Variants in RANBP10 observed in about 807,000 individuals in gnomAD.
RANBP10 encodes the protein ran-binding protein 10.
In RANBP10, 24 loss-of-function variants were observed where a neutral mutation model predicts 72.8. The ratio of observed to expected loss-of-function variants is 0.33; its 90% CI spans 0.24 to 0.46. The LOEUF is 0.46. Among genes scored for constraint, RANBP10 ranks in the 20% least tolerant of loss-of-function variants. The pLI is 1.00. For synonymous variants in RANBP10, 310 were observed against 322.3 expected, an observed-to-expected ratio of 0.96 and a Z score of 0.41; for missense variants, 679 against 817.5, an observed-to-expected ratio of 0.83 and a Z score of 2.07.
At chr16:67,747,543 G>A (rs987630766) in intron 3 of RANBP10, among the ~76,000 whole-genome samples, 1 of 152,122 alleles carries the variant, frequency 6.6e-6, no homozygotes, top group Non-Finnish European at 1.5e-5. Context: ...ACACTCTCTC[G>A]TCCAGACTGG....
chr16:67,791,916 C>T (rs896556844), intron 2 of RANBP10, among the ~76,000 whole-genome samples: 1 of 151,972 alleles, frequency 6.6e-6, no homozygotes, highest in Non-Finnish European at 1.5e-5. Context: ...TGTGCTGGCT[C>T]ACACCTGTAA....
At chr16:67,738,170 C>G in intron 4 of RANBP10, 135 bp from the exon 5 acceptor site, 1 of 993,056 alleles carries the variant, frequency 1.0e-6, no homozygotes. Flanking sequence ...ACAGAGTCTC[C>G]CTCCGTAGCC....
At chr16:67,805,563 A>C in intron 1 of RANBP10, 24 bp from the exon 2 acceptor site, 1 of 1,597,596 alleles carries the variant, frequency 6.3e-7, no homozygotes. Context: ...GCAAGTAAGA[A>C]ATTTCAGCAG....
intron 2 of RANBP10, among the ~76,000 whole-genome samples, chr16:67,781,193 G>T (rs2054803496): frequency 6.6e-6 from 1 of 152,244 alleles, no homozygotes; most frequent in African/African-American, 2.4e-5. Context: ...TCATACACTG[G>T]AGGATCTTCC....
intron 2 of RANBP10, among the ~76,000 whole-genome samples, chr16:67,785,145 G>A (rs890209247): frequency 2.6e-5 from 4 of 151,894 alleles, no homozygotes; most frequent in Non-Finnish European, 5.9e-5. Flanking sequence ...CCTGGAAGAG[G>A]AGGTTGCAGT....
intron 3 of RANBP10, among the ~76,000 whole-genome samples, chr16:67,760,099 C>CA (rs56244298): frequency 0.29 from 28,572 of 98,534 alleles, 4,276 homozygotes; most frequent in African/African-American, 0.51. Flanking sequence ...GACTCCGTCT[C>CA]AAAAAAAAAA....
At chr16:67,764,043 A>C (rs997400899) in intron 3 of RANBP10, among the ~76,000 whole-genome samples, 2 of 152,214 alleles carry the variant, frequency 1.3e-5, no homozygotes, top group Admixed American at 6.5e-5. Context: ...AGGAACAGAG[A>C]AAAGAGCAGT....
In RANBP10 at chr16:67,726,294, G is replaced by A; in HGVS notation, c.*134C>T. 1 of 1,336,726 alleles carries A rather than the reference G, an allele frequency of 7.5e-7. No individual in the cohort carries two copies. Among genetic ancestry groups the A allele is most frequent in the East Asian group, 2.5e-5 (1 of 39,996 alleles). 82.8% of individuals were successfully genotyped at this position (1,336,726 alleles called of 1,614,324 possible). ...AAGGAAGGAAGGAAGGAAAGGGAGA[G>A]GGGGAAAGGCCAGGCAGGAGGAGTG... On this transcript the variant is annotated 3_prime_UTR_variant, in exon 14 of 14. Transcript: ENST00000317506.
chr16:67,732,600 A>G (rs2143002026), intron 6 of RANBP10, among the ~76,000 whole-genome samples: 1 of 152,298 alleles, frequency 6.6e-6, no homozygotes, highest in South Asian at 2.1e-4. Flanking sequence ...ATGAAATGAT[A>G]TATTACATAA....
chr16:67,771,926 A>T, intron 3 of RANBP10, 108 bp downstream of exon 3: 1 of 1,276,874 alleles, frequency 7.8e-7, no homozygotes. Context: ...GGCTTGAGGT[A>T]GGCAGCTAGC....
rs1597856805 is a variant in RANBP10 at position 67,750,310 on chromosome 16, G to C, written c.401-5855C>G. ...CTCTTAGAACTATGCCCAAGAACTA[G>C]TGGTATCCACTCTGTCCTCCCCTCT... On this transcript the variant is annotated intron_variant, in intron 3 of 13. Transcript: ENST00000317506. Among the ~76,000 whole-genome samples, 3 of 152,324 alleles carry C rather than the reference G, an allele frequency of 2.0e-5. No individual in the cohort carries two copies. In the East Asian group the frequency reaches 5.8e-4, roughly 29 times the overall value.
At chr16:67,795,002 C>A (rs2055103352) in intron 2 of RANBP10, among the ~76,000 whole-genome samples, 1 of 149,798 alleles carries the variant, frequency 6.7e-6, no homozygotes, top group South Asian at 2.1e-4. Flanking sequence ...CACCTGTAAT[C>A]CCAGTACTCC....
Position 67,734,893 on chromosome 16 carries a change from A to G in RANBP10, c.741T>C (p.Ser247=). The G allele has an allele frequency of 6.2e-7, 1 of 1,610,218 alleles. No individual in the cohort carries two copies. Among genetic ancestry groups the G allele is most frequent in the Non-Finnish European group, 8.5e-7 (1 of 1,177,404 alleles). Residue 247 remains serine (S), a synonymous_variant, in exon 6 of 14, where the codon AGT becomes AGC. Coordinates refer to ENST00000317506, the MANE Select transcript of RANBP10 (RefSeq NM_020850.3). ...CTGCCTGCCACTCGCCAAGCCGGGC[A>G]CTGATGGGGAAGCAGTGGACCGTGC... The part of the protein sequence containing the change: ...VQGTVHCFPI[S]ARLGEWQAVL...
rs2053668634 is a variant in RANBP10, at chr16:67,729,069, G to A, written c.1352+211C>T. On this transcript the variant is annotated intron_variant, in intron 10 of 13. Transcript: ENST00000317506. This position sits in a 1 kb window ranked among gnomAD's most constrained non-coding sequence, Gnocchi z 7.1. ...GCCTGGCATCATTGGAGCCTCTGGA[G>A]AAAGCCAAGGCCAAAGAAAGTGCAG... Among the ~76,000 whole-genome samples, 1 of 152,278 alleles carries A rather than the reference G, an allele frequency of 6.6e-6. No homozygotes were observed. Among genetic ancestry groups the A allele is most frequent in the Non-Finnish European group, 1.5e-5 (1 of 68,056 alleles).
intron 2 of RANBP10, among the ~76,000 whole-genome samples, chr16:67,777,278 T>C (rs1055928932): frequency 4.6e-5 from 7 of 152,134 alleles, no homozygotes; most frequent in Non-Finnish European, 1.0e-4. Flanking sequence ...GGCTCACGCC[T>C]ATAATCCCAG....
At chr16:67,735,403 G>A (rs1345425187) in intron 5 of RANBP10, among the ~76,000 whole-genome samples, 1 of 152,152 alleles carries the variant, frequency 6.6e-6, no homozygotes, top group Non-Finnish European at 1.5e-5. Context: ...CTGCAATAGT[G>A]GGTCATGGCT....
intron 3 of RANBP10, among the ~76,000 whole-genome samples, chr16:67,747,946 G>A (rs1305176352): frequency 2.0e-5 from 3 of 149,474 alleles, no homozygotes; most frequent in Non-Finnish European, 1.5e-5. Flanking sequence ...TCAGTCTCCC[G>A]AGTAGCTGGG....
At position 67,805,501 on chromosome 16, in the gene RANBP10, C is replaced by A; in HGVS notation, c.274G>T (p.Ala92Ser). ...CAGGCAGCAGGTATGGGGTGGGTGG[C>A]ACGCACTGAGGCCGCATCTTTGTGA... ...KNHKDAASVRATHPIPAACGI... is the reference protein window; with the variant it reads ...KNHKDAASVRSTHPIPAACGI... The change falls in exon 2 of 14, where the codon GCC becomes TCC. Residue 92 changes from alanine (A) to serine (S), a missense_variant. By Grantham distance (99) the Ala-to-Ser change is moderately conservative. Transcript: ENST00000317506. 6.2e-7 allele frequency: 1 copy of A among 1,614,116 alleles called. No homozygotes were observed. Among genetic ancestry groups the A allele is most frequent in the Non-Finnish European group, 8.5e-7 (1 of 1,180,004 alleles).
intron 3 of RANBP10, among the ~76,000 whole-genome samples, chr16:67,746,130 T>C (rs565745779): frequency 6.6e-6 from 1 of 150,724 alleles, no homozygotes; most frequent in South Asian, 2.1e-4. Flanking sequence ...CACTCCAGCC[T>C]GGGCAACAAG....
Sources: gnomAD v4.1 joint callset for allele counts (sites outside exome capture counted in the v4.1 genomes callset) on GRCh38, gnomAD v4.1.1 for gene constraint, Gnocchi (gnomAD v3.1) non-coding constraint, MANE v1.5 for transcripts, NCBI Gene and HGNC (gene_info 2026-07-23, HGNC 2026-07-21) for gene names.